Variants in FBXO31 observed in about 807,000 individuals in gnomAD.
FBXO31 encodes the protein F-box protein 31.
In FBXO31, 24 loss-of-function variants were observed where a neutral mutation model predicts 54.4. The ratio of observed to expected loss-of-function variants is 0.44; its 90% CI spans 0.32 to 0.62. The LOEUF (loss-of-function observed/expected upper bound fraction) is 0.62, where lower values mean the gene tolerates loss of function less well. Ranked by LOEUF, FBXO31 falls within the 20% of genes least tolerant of loss-of-function variation. The pLI is 0.05. For missense variants in FBXO31, 665 were observed against 787.1 expected, an observed-to-expected ratio of 0.84 and a Z score of 1.86; for synonymous variants, 388 against 335.6, an observed-to-expected ratio of 1.16 and a Z score of -1.71.
At chr16:87,371,235 T>A (rs1906590638) in intron 1 of FBXO31, among the ~76,000 whole-genome samples, 1 of 152,178 alleles carries the variant, frequency 6.6e-6, no homozygotes, top group African/African-American at 2.4e-5. Flanking sequence ...TCAAACAATC[T>A]CATCCCTGCA....
intron 5 of FBXO31, among the ~76,000 whole-genome samples, chr16:87,337,916 A>C (rs1905081617): frequency 6.6e-6 from 1 of 152,248 alleles, no homozygotes; most frequent in African/African-American, 2.4e-5. Context: ...AATAACCATA[A>C]AAGAAAACAA....
upstream of FBXO31, among the ~76,000 whole-genome samples, chr16:87,387,119 C>A (rs577162510): frequency 2.0e-4 from 31 of 151,904 alleles, no homozygotes; most frequent in Middle Eastern, 0.01. Flanking sequence ...GAAGTGAAAC[C>A]CCATCTCTAC....
chr16:87,336,616 T>C lies in FBXO31; in HGVS notation c.733-352A>G, dbSNP rs559900742. On this transcript the variant is annotated intron_variant, in intron 5 of 8. Transcript: ENST00000311635. This position sits in a 1 kb window ranked among gnomAD's most constrained non-coding sequence, Gnocchi z 6.5. ...GCCCACCGGTGGGGCAGGAACAGCATCTACACAGACTCTGGCCCTGCACAG... is the reference window on the plus strand; with the variant it reads ...GCCCACCGGTGGGGCAGGAACAGCACCTACACAGACTCTGGCCCTGCACAG... Among the ~76,000 whole-genome samples the C allele has an allele frequency of 1.3e-5, 2 of 152,086 alleles. No homozygotes were observed. Among genetic ancestry groups the C allele is most frequent in the East Asian group, 1.9e-4 (1 of 5,164 alleles).
rs1020128230 is a variant in FBXO31, at chr16:87,343,062, C to A, written c.658-111G>T. ...CCCTCCCTCACCACACCCACCAAAC[C>A]CCACTGCAGGCACCCAAGATGCGAC... On this transcript the variant is annotated intron_variant, in intron 4 of 8. Coordinates refer to ENST00000311635, the MANE Select transcript of FBXO31 (RefSeq NM_024735.5). 1.0e-5 allele frequency: 9 copies of A among 865,682 alleles called. No individual in the cohort carries two copies. In the African/African-American group the frequency reaches 1.5e-4, roughly 15 times the overall value. 53.6% of individuals were successfully genotyped at this position (865,682 alleles called of 1,614,324 possible).
intron 1 of FBXO31, among the ~76,000 whole-genome samples, chr16:87,365,838 G>A (rs981193782): frequency 4.6e-5 from 7 of 152,124 alleles, no homozygotes; most frequent in Non-Finnish European, 7.4e-5. Flanking sequence ...GGCCAGCCTG[G>A]CCAACATGAT....
In FBXO31 at chr16:87,342,725, C is replaced by A. The variant is rs140487009; in HGVS notation, c.732+152G>T. 47 of 594,366 alleles carry A rather than the reference C, an allele frequency of 7.9e-5. No homozygotes were observed. In the Middle Eastern group the frequency reaches 1.9e-3, roughly 23 times the overall value. 36.8% of individuals were successfully genotyped at this position (594,366 alleles called of 1,614,324 possible). ...CTGTTCCTCGAGTGTGCCGGATGCA[C>A]GGTCTGCACTGACAATACCGGCTGA... On this transcript the variant is annotated intron_variant, in intron 5 of 8. Coordinates refer to ENST00000311635, the MANE Select transcript of FBXO31 (RefSeq NM_024735.5).
upstream of FBXO31, chr16:87,384,049 C>T (rs756172946): frequency 3.9e-5 from 7 of 178,218 alleles, no homozygotes; most frequent in Non-Finnish European, 7.0e-5. Flanking sequence ...GAACTCACGA[C>T]CTTCAGATTA....
Position 87,335,612 on chromosome 16 carries a change from C to T in FBXO31, c.843-155G>A, listed in dbSNP as rs1478785810. On this transcript the variant is annotated intron_variant, in intron 6 of 8. Coordinates refer to ENST00000311635, the MANE Select transcript of FBXO31 (RefSeq NM_024735.5). The surrounding 1 kb of genome is among the most constrained non-coding windows in gnomAD (Gnocchi z 5.7). ...TCCACCAGGCCTGTGGGCAGCAATG[C>T]GCCCAGGGGAGCCCTCACCCCCACC... 6.6e-6 allele frequency among the ~76,000 whole-genome samples: 1 copy of T among 152,176 alleles called. No individual in the cohort carries two copies. Among genetic ancestry groups the T allele is most frequent in the East Asian group, 1.9e-4 (1 of 5,198 alleles).
Position 87,340,759 on chromosome 16 carries a change from C to A in FBXO31, c.732+2118G>T, listed in dbSNP as rs572650172. ...GATCACTCGAGCCAGGAGTTTGAGA[C>A]CTGCCTGGGCAACAAAGTGAGACAC... On this transcript the variant is annotated intron_variant, in intron 5 of 8. Coordinates refer to ENST00000311635, the MANE Select transcript of FBXO31 (RefSeq NM_024735.5). Among the ~76,000 whole-genome samples the A allele has an allele frequency of 3.9e-5, 6 of 152,250 alleles. No homozygotes were observed. In the East Asian group the frequency reaches 7.7e-4, roughly 20 times the overall value.
chr16:87,384,448 G>T (rs1467066545), upstream of FBXO31, among the ~76,000 whole-genome samples: 1 of 152,110 alleles, frequency 6.6e-6, no homozygotes, highest in Non-Finnish European at 1.5e-5. Flanking sequence ...ATGCGCGCCC[G>T]GTCTGGAAAG....
intron 1 of FBXO31, among the ~76,000 whole-genome samples, chr16:87,365,010 A>AATAAATATATATATATATATATAT (rs1906294219): frequency 2.1e-5 from 1 of 47,682 alleles, no homozygotes; most frequent in African/African-American, 1.0e-4. Context: ...CCGTCTCTTA[A>AATAAATATATATATATATATATAT]ATATATATAT....
At chr16:87,352,844 T>C (rs572702978) in intron 2 of FBXO31, among the ~76,000 whole-genome samples, 9 of 152,182 alleles carry the variant, frequency 5.9e-5, no homozygotes, top group Non-Finnish European at 1.2e-4. Context: ...CCGTGAAAGG[T>C]GAGGTTACAC....
chr16:87,382,014 G>C (rs1907100458), intron 1 of FBXO31, among the ~76,000 whole-genome samples: 1 of 150,870 alleles, frequency 6.6e-6, no homozygotes, highest in Admixed American at 6.6e-5. Context: ...GACAGAGTGA[G>C]ACTCCGTCTC....
At chr16:87,337,619 T>A (rs1335901668) in intron 5 of FBXO31, among the ~76,000 whole-genome samples, 3 of 152,222 alleles carry the variant, frequency 2.0e-5, no homozygotes, top group Non-Finnish European at 2.9e-5. Context: ...AACCCTCATG[T>A]GGACCCAGCT....
chr16:87,374,306 C>A (rs1219611661), intron 1 of FBXO31, among the ~76,000 whole-genome samples: 4 of 151,850 alleles, frequency 2.6e-5, no homozygotes, highest in African/African-American at 9.7e-5. Flanking sequence ...ACTTGACTAC[C>A]CCTAACCTAC....
intron 5 of FBXO31, among the ~76,000 whole-genome samples, chr16:87,341,288 G>A (rs1367867203): frequency 1.3e-5 from 2 of 152,138 alleles, no homozygotes; most frequent in East Asian, 1.9e-4. Context: ...AATGTAATAT[G>A]GTTTTCTTTT....
rs1461723135 is a variant in FBXO31 at position 87,383,248 on chromosome 16, C to T, written c.340+157G>A. On this transcript the variant is annotated intron_variant, in intron 1 of 8. Transcript: ENST00000311635. The surrounding 1 kb of genome is among the most constrained non-coding windows in gnomAD (Gnocchi z 4.9). ...CCCCCTCAACGTGGTGTCACCGCGG[C>T]CGCTCCCCACCCACACCCAAAACAC... Among the ~76,000 whole-genome samples the T allele has an allele frequency of 2.6e-5, 4 of 152,034 alleles. No homozygotes were observed. Among genetic ancestry groups the T allele is most frequent in the African/African-American group, 9.7e-5 (4 of 41,404 alleles).
rs542207197 is a variant in FBXO31 at position 87,383,108 on chromosome 16, G to A, written c.340+297C>T. ...CACGGCCTCGGCCCCGTGGTGTCCCGTGCCCCGCGTCAGGGCCTCTTCGAT... is the reference window on the plus strand; with the variant it reads ...CACGGCCTCGGCCCCGTGGTGTCCCATGCCCCGCGTCAGGGCCTCTTCGAT... On this transcript the variant is annotated intron_variant, in intron 1 of 8. Coordinates refer to ENST00000311635, the MANE Select transcript of FBXO31 (RefSeq NM_024735.5). The surrounding 1 kb of genome is among the most constrained non-coding windows in gnomAD (Gnocchi z 4.9). 4.7e-4 allele frequency among the ~76,000 whole-genome samples: 72 copies of A among 151,914 alleles called. No individual in the cohort carries two copies. The highest frequency in any genetic ancestry group is 1.6e-3 in the African/African-American group (65 of 41,440).
chr16:87,390,407 C>G (rs545489870), upstream of FBXO31, among the ~76,000 whole-genome samples: 2 of 152,216 alleles, frequency 1.3e-5, no homozygotes, highest in Admixed American at 1.3e-4. Context: ...TAGAAGAAAT[C>G]CCAACTGTAT....
Sources: allele counts gnomAD v4.1 joint callset (sites outside exome capture counted in the v4.1 genomes callset), GRCh38; gene constraint gnomAD v4.1.1; non-coding constraint Gnocchi (gnomAD v3.1); transcripts MANE v1.5; gene names NCBI Gene and HGNC (gene_info 2026-07-23, HGNC 2026-07-21).